LSM7: variants seen among roughly 807,000 people sequenced by gnomAD.
LSM7 encodes the protein LSM7 homolog, U6 small nuclear RNA and mRNA degradation associated.
A neutral mutation model predicts 14.1 loss-of-function variants in LSM7; 13 were observed. The observed-to-expected ratio is 0.92, with a 90% CI of 0.60 to 1.47. The LOEUF is 1.47. Among genes scored for constraint, LSM7 ranks in the 40% most tolerant of loss-of-function variants. The pLI is 0.00. For synonymous variants in LSM7, 70 were observed against 57.1 expected, an observed-to-expected ratio of 1.23 and a Z score of -1.02; for missense variants, 108 against 140.8, an observed-to-expected ratio of 0.77 and a Z score of 1.18.
intron 2 of LSM7, among the ~76,000 whole-genome samples, chr19:2,325,613 T>G (rs1968002496): frequency 6.6e-6 from 1 of 152,078 alleles, no homozygotes; most frequent in Non-Finnish European, 1.5e-5. Flanking sequence ...CGAGAGCCCG[T>G]CCACGGCTGC....
At chr19:2,327,582 G>C (rs1469904169) in intron 2 of LSM7, among the ~76,000 whole-genome samples, 1 of 152,198 alleles carries the variant, frequency 6.6e-6, no homozygotes, top group Non-Finnish European at 1.5e-5. Context: ...CTGTGGCCCA[G>C]GCTGGAGTGC....
intron 2 of LSM7, chr19:2,324,421 C>T (rs1308185091): frequency 1.8e-5 from 10 of 549,236 alleles, no homozygotes; most frequent in South Asian, 4.3e-5. Flanking sequence ...CACTTCTGGC[C>T]GTGTGGGCCA....
intron 2 of LSM7, among the ~76,000 whole-genome samples, chr19:2,325,137 CCCT>C (rs1220752534): frequency 6.6e-6 from 1 of 152,208 alleles, no homozygotes; most frequent in Non-Finnish European, 1.5e-5. Flanking sequence ...CCTGCCCCAC[CCCT>C]CAAGCTTCGC....
At chr19:2,323,464 T>C (rs1450692294) in intron 3 of LSM7, among the ~76,000 whole-genome samples, 1 of 152,146 alleles carries the variant, frequency 6.6e-6, no homozygotes, top group Admixed American at 6.6e-5. Flanking sequence ...TTATCTCTTT[T>C]TTTTGAGACG....
In LSM7 at chr19:2,321,662, C is replaced by T. The variant is rs200818911; in HGVS notation, c.*18G>A. The T allele has an allele frequency of 5.7e-3, 8,461 of 1,483,912 alleles. 43 individuals carry two copies. The highest frequency in any genetic ancestry group is 5.8e-3 in the Non-Finnish European group (6,516 of 1,115,572). 91.9% of individuals were successfully genotyped at this position (1,483,912 alleles called of 1,614,324 possible). A position where few individuals can be genotyped will look rare whatever the true frequency, so the allele number is the denominator to read the frequency against. On this transcript the variant is annotated 3_prime_UTR_variant, in exon 4 of 4. Transcript: ENST00000252622. This position sits in a 1 kb window ranked among gnomAD's most constrained non-coding sequence, Gnocchi z 5.0. ...AGCTGCTCGGGCCTGCCCTGCACCC[C>T]CCGCGCCCCCGGCCAGGCTAGGCGT...
rs1967979560 is a variant in LSM7, at chr19:2,324,140, T to C, written c.154A>G (p.Ile52Val). The C allele has an allele frequency of 6.6e-7, 1 of 1,515,100 alleles. No homozygotes were observed. The highest frequency in any genetic ancestry group is 8.9e-7 in the Non-Finnish European group (1 of 1,123,868). The allele number at this position is 1,515,100 out of a possible 1,614,324, so 93.9% of individuals were successfully genotyped here. A position where few individuals can be genotyped will look rare whatever the true frequency, so the allele number is the denominator to read the frequency against. Reference sequence around the variant, plus strand: ...CCCCACTCACCTCGCATGTACTCAATGGTGCCGTCCAGCACAAGGTTGAGG... The same window carrying C: ...CCCCACTCACCTCGCATGTACTCAACGGTGCCGTCCAGCACAAGGTTGAGG... ...PLLNLVLDGT[I>V]EYMRDPDDQY... Residue 52 changes from isoleucine to valine, a missense_variant, in exon 3 of 4, where the codon ATT (isoleucine) becomes GTT (valine). Ile to Val is a conservative substitution (Grantham distance 29). Transcript: ENST00000252622.
At position 2,321,922 on chromosome 19, in the gene LSM7, T is replaced by C; in HGVS notation, c.170-100A>G. On this transcript the variant is annotated intron_variant, in intron 3 of 3. Coordinates refer to ENST00000252622, the MANE Select transcript of LSM7 (RefSeq NM_016199.3). This position sits in a 1 kb window ranked among gnomAD's most constrained non-coding sequence, Gnocchi z 5.0. Reference sequence around the variant, plus strand: ...CGCTCCGACCTCCCCACCTGCACCCTGCAGGCGCCACGAGCACGCAGGGAC... The same window carrying C: ...CGCTCCGACCTCCCCACCTGCACCCCGCAGGCGCCACGAGCACGCAGGGAC... The C allele has an allele frequency of 8.8e-7, 1 of 1,138,244 alleles. No homozygotes were observed. The allele number at this position is 1,138,244 out of a possible 1,614,324, so 70.5% of individuals were successfully genotyped here.
chr19:2,328,524 C>T, intron 1 of LSM7, 37 bp downstream of exon 1: 3 of 1,608,502 alleles, frequency 1.9e-6, no homozygotes, highest in Non-Finnish European at 2.5e-6. Context: ...GGCCCGAGCT[C>T]CACGCCCCCC....
chr19:2,327,313 G>T (rs1169659032), intron 2 of LSM7, among the ~76,000 whole-genome samples: 1 of 152,172 alleles, frequency 6.6e-6, no homozygotes, highest in African/African-American at 2.4e-5. Context: ...AGGCTGGAGT[G>T]CGGTGGCACA....
chr19:2,325,394 A>G (rs1967999107), intron 2 of LSM7, among the ~76,000 whole-genome samples: 1 of 134,576 alleles, frequency 7.4e-6, no homozygotes, highest in African/African-American at 2.6e-5. Context: ...TCCCGCAGCC[A>G]CCCCCTCCCT....
intron 2 of LSM7, 118 bp from the exon 3 acceptor site, chr19:2,324,314 G>A (rs1278192168): frequency 1.3e-6 from 1 of 784,018 alleles, no homozygotes; most frequent in African/African-American, 1.7e-5. Flanking sequence ...AGGACTGAGG[G>A]TAGGAGAGGG....
In LSM7 at chr19:2,321,811, G is replaced by A; in HGVS notation, c.181C>T (p.Gln61Ter). 2 of 1,498,200 alleles carry A rather than the reference G, an allele frequency of 1.3e-6. No individual in the cohort carries two copies. The highest frequency in any genetic ancestry group is 1.8e-6 in the Non-Finnish European group (2 of 1,118,450). 92.8% of individuals were successfully genotyped at this position (1,498,200 alleles called of 1,614,324 possible). A position where few individuals can be genotyped will look rare whatever the true frequency, so the allele number is the denominator to read the frequency against. ...TIEYMRDPDD[Q>*]YKLTEDTRQL... ...CGGGTGTCCTCCGTGAGCTTGTACT[G>A]GTCGTCAGGGTCTGGGGAGGAGCAG... Residue 61 changes from glutamine (Q) to a stop codon, truncating the protein, a stop_gained, in exon 4 of 4, where the codon CAG becomes TAG. Coordinates refer to ENST00000252622, the MANE Select transcript of LSM7 (RefSeq NM_016199.3). LOFTEE classifies it high-confidence loss of function. This position sits in a 1 kb window ranked among gnomAD's most constrained non-coding sequence, Gnocchi z 5.0.
chr19:2,327,367 C>T (rs547225418), intron 2 of LSM7, among the ~76,000 whole-genome samples: 3 of 152,040 alleles, frequency 2.0e-5, no homozygotes, highest in Admixed American at 6.5e-5. Context: ...CTCAGCCCCC[C>T]GAGTAGCTGG....
At chr19:2,326,386 G>A (rs1478533625) in intron 2 of LSM7, among the ~76,000 whole-genome samples, 1 of 149,740 alleles carries the variant, frequency 6.7e-6, no homozygotes, top group African/African-American at 2.5e-5. Context: ...CTGTCGCCCA[G>A]GCTGGAATGC....
intron 2 of LSM7, among the ~76,000 whole-genome samples, chr19:2,325,411 C>T (rs1448045117): frequency 9.1e-6 from 1 of 109,426 alleles, no homozygotes; most frequent in African/African-American, 2.7e-5. Context: ...CCCTGCTCTC[C>T]TTCTTACCCC....
Position 2,324,143 on chromosome 19 carries a change from T to C in LSM7, c.151A>G (p.Thr51Ala). The change falls in exon 3 of 4, where the codon ACC becomes GCC. Residue 51 changes from threonine to alanine, a missense_variant. Physicochemically the swap from Thr to Ala is moderately conservative, Grantham distance 58. Transcript: ENST00000252622. ...DPLLNLVLDG[T>A]IEYMRDPDDQ... ...CACTCACCTCGCATGTACTCAATGG[T>C]GCCGTCCAGCACAAGGTTGAGGAGT... 4 of 1,526,746 alleles carry C rather than the reference T, an allele frequency of 2.6e-6. No homozygotes were observed. The South Asian group carries it at 4.7e-5, about 18-fold the overall frequency. 94.6% of individuals were successfully genotyped at this position (1,526,746 alleles called of 1,614,324 possible).
intron 2 of LSM7, 149 bp downstream of exon 2, chr19:2,328,238 C>T (rs1344429091): frequency 1.4e-6 from 1 of 702,058 alleles, no homozygotes; most frequent in Admixed American, 2.9e-5. Context: ...CCACTGCACT[C>T]CAGCCCGGGT....
intron 2 of LSM7, among the ~76,000 whole-genome samples, chr19:2,325,374 C>G (rs1172162956): frequency 1.3e-5 from 2 of 151,664 alleles, no homozygotes; most frequent in Admixed American, 1.3e-4. Context: ...TCTGCGCTCA[C>G]TGAGGGGCGT....
intron 3 of LSM7, among the ~76,000 whole-genome samples, chr19:2,323,122 C>T (rs1265186244): frequency 2.0e-5 from 3 of 152,150 alleles, no homozygotes; most frequent in Admixed American, 6.5e-5. Flanking sequence ...GGGGACTTGC[C>T]AGCTGGGGAC....
Sources: allele counts gnomAD v4.1 joint callset (sites outside exome capture counted in the v4.1 genomes callset), GRCh38; gene constraint gnomAD v4.1.1; non-coding constraint Gnocchi (gnomAD v3.1); transcripts MANE v1.5; gene names NCBI Gene and HGNC (gene_info 2026-07-23, HGNC 2026-07-21).